OR1J2: variants seen among roughly 807,000 people sequenced by gnomAD.
The protein encoded by OR1J2 is olfactory receptor family 1 subfamily J member 2.
For synonymous variants in OR1J2, 142 were observed against 99.7 expected, an observed-to-expected ratio of 1.42 and a Z score of -2.52; for missense variants, 304 against 246.1, an observed-to-expected ratio of 1.24 and a Z score of -1.57.
the OR1J2 span, among the ~76,000 whole-genome samples, chr9:122,517,322 C>T: frequency 7.9e-5 from 12 of 152,264 alleles, no homozygotes; most frequent in African/African-American, 1.7e-4. Context: ...CAGGTGCAGC[C>T]GGGGAACCTG....
the OR1J2 span, among the ~76,000 whole-genome samples, chr9:122,569,518 A>G: frequency 4.6e-5 from 7 of 152,244 alleles, no homozygotes; most frequent in Non-Finnish European, 8.8e-5. Context: ...TTGAGTAAGC[A>G]TATTCATTCA....
the OR1J2 span, chr9:122,520,216 TCC>T: frequency 1.7e-6 from 1 of 574,636 alleles, no homozygotes; most frequent in Non-Finnish European, 2.9e-6. Context: ...ACAGTTATTC[TCC>T]CTTTTCCTCT....
chr9:122,567,686 T>TG, the OR1J2 span: 1 of 1,614,066 alleles, frequency 6.2e-7, no homozygotes. Flanking sequence ...CGTAGGTGGA[T>TG]GGGGGCTGTA....
chr9:122,579,449 T>C, the OR1J2 span, among the ~76,000 whole-genome samples: 7 of 152,268 alleles, frequency 4.6e-5, no homozygotes, highest in South Asian at 6.2e-4. Context: ...TAAGAGAGAA[T>C]TGAAGTCATT....
the OR1J2 span, among the ~76,000 whole-genome samples, chr9:122,490,528 T>A: frequency 6.6e-6 from 1 of 152,124 alleles, no homozygotes. Flanking sequence ...CAAGTAGGCT[T>A]GTAGAAAGTT....
At chr9:122,495,146 C>T in the OR1J2 span, among the ~76,000 whole-genome samples, 1 of 152,108 alleles carries the variant, frequency 6.6e-6, no homozygotes, top group African/African-American at 2.4e-5. Context: ...TTTATATAAC[C>T]TGAAGACTAT....
chr9:122,526,110 C>T, the OR1J2 span, among the ~76,000 whole-genome samples: 1 of 152,154 alleles, frequency 6.6e-6, no homozygotes, highest in Non-Finnish European at 1.5e-5. Context: ...ATAGCTATCC[C>T]TTATTGAACA....
At chr9:122,482,878 G>T in the OR1J2 span, among the ~76,000 whole-genome samples, 1 of 152,136 alleles carries the variant, frequency 6.6e-6, no homozygotes, top group Non-Finnish European at 1.5e-5. Context: ...GATGAGAGAT[G>T]GGAAGAAATT....
the OR1J2 span, chr9:122,567,661 C>T: frequency 3.7e-6 from 6 of 1,613,966 alleles, no homozygotes; most frequent in African/African-American, 2.7e-5. Flanking sequence ...ATTGTTGCCA[C>T]GTGGTCCTTG....
the OR1J2 span, among the ~76,000 whole-genome samples, chr9:122,479,165 C>T: frequency 1.3e-5 from 2 of 152,220 alleles, no homozygotes; most frequent in African/African-American, 4.8e-5. Flanking sequence ...CTTGGGGACG[C>T]AGCGGTGAAT....
the OR1J2 span, among the ~76,000 whole-genome samples, chr9:122,558,240 G>A: frequency 0.33 from 40,355 of 121,474 alleles, 5,686 homozygotes; most frequent in Middle Eastern, 0.42. Flanking sequence ...AATTTTTATT[G>A]TTTTTTTCTT....
the OR1J2 span, chr9:122,477,967 A>G: frequency 3.6e-6 from 5 of 1,394,814 alleles, no homozygotes; most frequent in Non-Finnish European, 4.9e-6. Flanking sequence ...TTTGAAGGAA[A>G]AAAATGGTAT....
At chr9:122,469,828 G>C in the OR1J2 span, among the ~76,000 whole-genome samples, 3 of 152,154 alleles carry the variant, frequency 2.0e-5, no homozygotes, top group Admixed American at 6.5e-5. Flanking sequence ...TTTTAGCAAA[G>C]AGACTGGCAG....
upstream of OR1J2, among the ~76,000 whole-genome samples, chr9:122,510,610 G>A (rs1413695525): frequency 6.6e-6 from 1 of 151,980 alleles, no homozygotes. Context: ...TAGGCATTAA[G>A]CCCAGAATGC....
At chr9:122,508,183 G>GGAA (rs60283794), upstream of OR1J2, among the ~76,000 whole-genome samples, 1 of 149,050 alleles carries the variant, frequency 6.7e-6, no homozygotes, top group Non-Finnish European at 1.5e-5. Flanking sequence ...AAGGAGAAGG[G>GGAA]GAAGAAGAAG....
At chr9:122,488,275 T>G in the OR1J2 span, among the ~76,000 whole-genome samples, 2 of 152,202 alleles carry the variant, frequency 1.3e-5, no homozygotes, top group Non-Finnish European at 2.9e-5. Context: ...GTAACTGGAA[T>G]TACAGGTGTG....
chr9:122,517,021 G>C, the OR1J2 span, among the ~76,000 whole-genome samples: 6 of 152,178 alleles, frequency 3.9e-5, no homozygotes, highest in South Asian at 1.2e-3. Context: ...GATATAAATT[G>C]GTTCAGATTG....
At chr9:122,535,797 A>T in the OR1J2 span, among the ~76,000 whole-genome samples, 3 of 152,148 alleles carry the variant, frequency 2.0e-5, no homozygotes, top group Non-Finnish European at 2.9e-5. Flanking sequence ...GTGAGCAACA[A>T]GGCTGTTTAT....
At chr9:122,578,584 TC>T in the OR1J2 span, 1 of 151,600 alleles carries the variant, frequency 6.6e-6, no homozygotes, top group East Asian at 1.9e-4. Flanking sequence ...GATAAAGAAA[TC>T]GTGATATATA....
Sources: gnomAD v4.1 joint callset for allele counts (sites outside exome capture counted in the v4.1 genomes callset) on GRCh38, gnomAD v4.1.1 for gene constraint, MANE v1.5 for transcripts, NCBI Gene and HGNC (gene_info 2026-07-23, HGNC 2026-07-21) for gene names.